The following MCC variants were observed in gnomAD, a reference collection of about 807,000 sequenced individuals.
The protein encoded by MCC is colorectal mutant cancer protein.
Under a neutral mutation model 116.2 loss-of-function variants are expected in MCC, and 90 were observed. The observed-to-expected ratio is 0.77, with a 90% CI of 0.65 to 0.92. The LOEUF is 0.92. Among genes scored for constraint, MCC ranks in the 40% least tolerant of loss-of-function variants. The probability of loss-of-function intolerance (pLI) is 0.00; values close to 1 mark genes in which losing one functional copy is unlikely to be tolerated. For missense variants in MCC, 1,516 were observed against 1,312.2 expected, an observed-to-expected ratio of 1.16 and a Z score of -2.40; for synonymous variants, 578 against 510.5, an observed-to-expected ratio of 1.13 and a Z score of -1.78.
intron 3 of MCC, among the ~76,000 whole-genome samples, chr5:113,313,753 G>A (rs17325908): frequency 0.14 from 21,510 of 152,110 alleles, 2,079 homozygotes; most frequent in Non-Finnish European, 0.2. Flanking sequence ...AAAGCTCCCA[G>A]GGAGACCTGT....
At chr5:113,409,831 C>T (rs557075344) in intron 1 of MCC, among the ~76,000 whole-genome samples, 3 of 152,212 alleles carry the variant, frequency 2.0e-5, no homozygotes, top group East Asian at 3.9e-4. Context: ...TTCCTAGACT[C>T]GAGACTACGG....
At chr5:113,079,827 A>T (rs1454371524) in intron 11 of MCC, among the ~76,000 whole-genome samples, 1 of 152,258 alleles carries the variant, frequency 6.6e-6, no homozygotes, top group African/African-American at 2.4e-5. Flanking sequence ...TAAACTAAAG[A>T]GCTTCTGCAC....
chr5:113,162,282 G>C (rs1760531794), intron 3 of MCC, among the ~76,000 whole-genome samples: 1 of 152,156 alleles, frequency 6.6e-6, no homozygotes, highest in Admixed American at 6.5e-5. Flanking sequence ...TAAGGACATA[G>C]GCTTTGTCAA....
chr5:113,288,048 A>T (rs959362887), intron 3 of MCC, among the ~76,000 whole-genome samples: 2 of 152,174 alleles, frequency 1.3e-5, no homozygotes, highest in Non-Finnish European at 2.9e-5. Flanking sequence ...ACCTGGTTCC[A>T]GCCAAACGAA....
chr5:113,389,081 T>C (rs13181732), intron 1 of MCC, among the ~76,000 whole-genome samples: 21,321 of 152,228 alleles, frequency 0.14, 1,793 homozygotes, highest in Non-Finnish European at 0.2. Context: ...ATGTTACACA[T>C]GAATGAGAAT....
chr5:113,257,962 C>A (rs1188041317), intron 3 of MCC, among the ~76,000 whole-genome samples: 1 of 152,124 alleles, frequency 6.6e-6, no homozygotes, highest in Non-Finnish European at 1.5e-5. Context: ...TGGTGACAAG[C>A]TGAGGAAGCC....
intron 3 of MCC, among the ~76,000 whole-genome samples, chr5:113,313,083 A>C (rs968901183): frequency 6.6e-6 from 1 of 152,166 alleles, no homozygotes; most frequent in African/African-American, 2.4e-5. Flanking sequence ...ATGGTGACTC[A>C]TGCCTGTAAT....
At position 113,028,255 on chromosome 5, in the gene MCC, C is replaced by T. The variant is rs528839072; in HGVS notation, c.2879+679G>A. Among the ~76,000 whole-genome samples the T allele has an allele frequency of 1.0e-3, 153 of 152,306 alleles. 2 individuals carry two copies. In the South Asian group the frequency reaches 0.031, roughly 31 times the overall value. On this transcript the variant is annotated intron_variant, in intron 18 of 18. Coordinates refer to ENST00000408903, the MANE Select transcript of MCC (RefSeq NM_001085377.2). ...TCAATATACATCCACATAATGTTGA[C>T]TACAGAAGCAAATGTGAGAACCTAG...
At chr5:113,278,503 G>A (rs910524501) in intron 3 of MCC, among the ~76,000 whole-genome samples, 1 of 152,186 alleles carries the variant, frequency 6.6e-6, no homozygotes, top group Non-Finnish European at 1.5e-5. Flanking sequence ...AACCTAGACC[G>A]GGGGTGGCAA....
chr5:113,294,950 G>T, intron 3 of MCC: 1 of 985,534 alleles, frequency 1.0e-6, no homozygotes, highest in Non-Finnish European at 1.2e-6. Flanking sequence ...AGTGGTTTCT[G>T]ATTGAACACA....
At chr5:113,197,064 G>A (rs916915507) in intron 3 of MCC, among the ~76,000 whole-genome samples, 3 of 152,168 alleles carry the variant, frequency 2.0e-5, no homozygotes, top group Non-Finnish European at 1.5e-5. Context: ...AGCAAGAAAC[G>A]GTGGCATATG....
Position 113,458,013 on chromosome 5 carries a change from C to T in MCC, c.170+30232G>A, listed in dbSNP as rs183419519. On this transcript the variant is annotated intron_variant, in intron 1 of 18. Transcript: ENST00000408903. The stretch of plus-strand genomic sequence containing the variant: ...GGACTTGGAGAACCTTTGTGTCTAG[C>T]TCAGGGATTGTAAACGCACCAATCA... 1.1e-4 allele frequency among the ~76,000 whole-genome samples: 16 copies of T among 152,238 alleles called. No individual in the cohort carries two copies. In the East Asian group the frequency reaches 2.5e-3, roughly 24 times the overall value.
At chr5:113,215,501 T>C (rs1763281694) in intron 3 of MCC, among the ~76,000 whole-genome samples, 1 of 151,992 alleles carries the variant, frequency 6.6e-6, no homozygotes, top group Non-Finnish European at 1.5e-5. Context: ...GGGAAGTGAT[T>C]AGGTTATGAG....
intron 3 of MCC, among the ~76,000 whole-genome samples, chr5:113,302,052 G>A (rs73781510): frequency 0.033 from 5,062 of 152,238 alleles, 291 homozygotes; most frequent in African/African-American, 0.11. Flanking sequence ...CCTCATACAA[G>A]TATCGCTGCT....
chr5:113,086,960 A>C (rs530673373), intron 8 of MCC, among the ~76,000 whole-genome samples: 94 of 152,334 alleles, frequency 6.2e-4, no homozygotes, highest in African/African-American at 2.2e-3. Flanking sequence ...AAAGATGCTG[A>C]TGCTGCCGGT....
At chr5:113,219,276 A>C (rs1050610109) in intron 3 of MCC, among the ~76,000 whole-genome samples, 3 of 152,240 alleles carry the variant, frequency 2.0e-5, no homozygotes, top group African/African-American at 7.2e-5. Context: ...GGTGCCGTGC[A>C]GTCTCTGTAC....
At chr5:113,336,126 G>C (rs1276677490) in intron 3 of MCC, among the ~76,000 whole-genome samples, 1 of 151,504 alleles carries the variant, frequency 6.6e-6, no homozygotes, top group Non-Finnish European at 1.5e-5. Context: ...GGGAGAGAGA[G>C]AGAGGAACCT....
chr5:113,153,344 A>G (rs1056990614), intron 3 of MCC, among the ~76,000 whole-genome samples: 2 of 152,128 alleles, frequency 1.3e-5, no homozygotes, highest in African/African-American at 4.8e-5. Context: ...AAGCTGAGAG[A>G]ATGCTGCATG....
chr5:113,399,488 A>T (rs543237360), intron 1 of MCC, among the ~76,000 whole-genome samples: 36 of 152,216 alleles, frequency 2.4e-4, no homozygotes, highest in African/African-American at 3.6e-4. Context: ...CTGTCTCAAA[A>T]AAATAAATAA....
Sources: allele counts gnomAD v4.1 joint callset (sites outside exome capture counted in the v4.1 genomes callset), GRCh38; gene constraint gnomAD v4.1.1; transcripts MANE v1.5; gene names NCBI Gene and HGNC (gene_info 2026-07-23, HGNC 2026-07-21).